Variants in CPQ observed in about 807,000 individuals in gnomAD.
CPQ encodes the protein Ser-Met dipeptidase.
Under a neutral mutation model 45.7 loss-of-function variants are expected in CPQ, and 37 were observed. That is an observed-to-expected ratio of 0.81 (90% CI 0.62 to 1.07). The LOEUF (loss-of-function observed/expected upper bound fraction) is 1.07. CPQ is among the 50% of genes least tolerant of loss of function. The probability of loss-of-function intolerance (pLI) is 0.00; values close to 1 mark genes in which losing one functional copy is unlikely to be tolerated. For synonymous variants in CPQ, 186 were observed against 205.8 expected (o/e 0.90, Z 0.82); for missense variants, 537 against 572.9 (o/e 0.94, Z 0.64).
intron 1 of CPQ, among the ~76,000 whole-genome samples, chr8:96,704,532 G>A (rs1809508435): frequency 6.6e-6 from 1 of 152,140 alleles, no homozygotes; most frequent in African/African-American, 2.4e-5. Context: ...GGAGCAAAGA[G>A]TATATATTCT....
At chr8:96,686,414 C>T (rs1001661834) in intron 1 of CPQ, among the ~76,000 whole-genome samples, 2 of 151,810 alleles carry the variant, frequency 1.3e-5, no homozygotes, top group African/African-American at 4.8e-5. Flanking sequence ...TCAAAAATAA[C>T]GTTGAATTTT....
intron 1 of CPQ, among the ~76,000 whole-genome samples, chr8:96,696,804 A>G (rs1240859561): frequency 1.3e-5 from 2 of 152,178 alleles, no homozygotes; most frequent in Non-Finnish European, 2.9e-5. Flanking sequence ...AACAACCACA[A>G]GATTGAACTA....
chr8:97,018,876 CAAAG>C (rs1223516850), intron 5 of CPQ, among the ~76,000 whole-genome samples: 2 of 152,170 alleles, frequency 1.3e-5, no homozygotes, highest in African/African-American at 4.8e-5. Flanking sequence ...ACAAGAAACT[CAAAG>C]AACACTGGGA....
chr8:96,799,891 C>G (rs1233693767), intron 2 of CPQ, among the ~76,000 whole-genome samples: 1 of 152,112 alleles, frequency 6.6e-6, no homozygotes, highest in Non-Finnish European at 1.5e-5. Flanking sequence ...GATCTTTTTG[C>G]CCATATCTTT....
intron 7 of CPQ, among the ~76,000 whole-genome samples, chr8:97,140,285 A>C (rs1812137118): frequency 6.6e-6 from 1 of 152,012 alleles, no homozygotes; most frequent in Non-Finnish European, 1.5e-5. Flanking sequence ...AAAACATCAG[A>C]CTTTGATGGC....
intron 1 of CPQ, among the ~76,000 whole-genome samples, chr8:96,662,307 C>A (rs990577047): frequency 5.9e-5 from 9 of 152,150 alleles, no homozygotes; most frequent in Middle Eastern, 3.4e-3. Context: ...CAATTTGGAA[C>A]TTTTAACATT....
intron 7 of CPQ, among the ~76,000 whole-genome samples, chr8:97,110,674 A>G (rs1053531629): frequency 3.9e-5 from 6 of 151,986 alleles, no homozygotes; most frequent in African/African-American, 1.5e-4. Context: ...CACTGCCTAT[A>G]TTCTTAGAGC....
In CPQ at chr8:96,961,461, A is replaced by G. The variant is rs555696856; in HGVS notation, c.850-4474A>G. 2.0e-5 allele frequency among the ~76,000 whole-genome samples: 3 copies of G among 152,216 alleles called. No homozygotes were observed. The East Asian group carries it at 5.8e-4, about 29-fold the overall frequency. The stretch of plus-strand genomic sequence containing the variant: ...TTGAATATAAATCATTTTGAGTTAT[A>G]TATATTGTAAATGTCTTCTTCTAAT... On this transcript the variant is annotated intron_variant, in intron 4 of 7. Coordinates refer to ENST00000220763, the MANE Select transcript of CPQ (RefSeq NM_016134.4).
intron 1 of CPQ, among the ~76,000 whole-genome samples, chr8:96,695,061 A>T (rs1586362239): frequency 6.6e-6 from 1 of 151,364 alleles, no homozygotes; most frequent in African/African-American, 2.4e-5. Context: ...TACAGTAACC[A>T]AAACAGCATG....
At chr8:96,926,591 T>TTCTTCC (rs1267812161) in intron 4 of CPQ, among the ~76,000 whole-genome samples, 68 of 143,852 alleles carry the variant, frequency 4.7e-4, no homozygotes, top group African/African-American at 1.9e-3. Flanking sequence ...CTTCTTCTTC[T>TTCTTCC]TCTTCTTCTT....
chr8:96,851,485 C>T (rs766195432), intron 3 of CPQ, among the ~76,000 whole-genome samples: 11 of 152,188 alleles, frequency 7.2e-5, no homozygotes, highest in Non-Finnish European at 1.3e-4. Flanking sequence ...GGGCTGTTCT[C>T]TGCTTCCAAG....
chr8:97,101,991 C>T (rs1811320868), intron 7 of CPQ, among the ~76,000 whole-genome samples: 1 of 140,778 alleles, frequency 7.1e-6, no homozygotes, highest in African/African-American at 2.7e-5. Flanking sequence ...GATAGCTCAC[C>T]TTATGTTAAG....
At chr8:96,823,517 C>T (rs1314199420) in intron 2 of CPQ, among the ~76,000 whole-genome samples, 1 of 151,940 alleles carries the variant, frequency 6.6e-6, no homozygotes, top group Non-Finnish European at 1.5e-5. Context: ...CTACACAAAT[C>T]CTATGATGGA....
intron 7 of CPQ, among the ~76,000 whole-genome samples, chr8:97,105,087 C>G (rs1811381545): frequency 6.6e-6 from 1 of 152,164 alleles, no homozygotes; most frequent in Non-Finnish European, 1.5e-5. Flanking sequence ...TTGAAAAGAC[C>G]ACCCCGGCAT....
chr8:97,122,698 A>G (rs1811728151), intron 7 of CPQ, among the ~76,000 whole-genome samples: 1 of 151,572 alleles, frequency 6.6e-6, no homozygotes, highest in Non-Finnish European at 1.5e-5. Context: ...CAGGCTGACC[A>G]ACAAGCTGAA....
chr8:96,684,190 T>C (rs1809192979), intron 1 of CPQ, among the ~76,000 whole-genome samples: 2 of 152,240 alleles, frequency 1.3e-5, no homozygotes, highest in South Asian at 2.1e-4. Flanking sequence ...TTGGCTTTCA[T>C]GGAGAAAGAC....
Position 96,879,986 on chromosome 8 carries a change from G to T in CPQ, c.830G>T (p.Gly277Val), listed in dbSNP as rs375182115. Residue 277 changes from glycine (G) to valine (V), a missense_variant, in exon 4 of 8, where the codon GGG becomes GTG. By Grantham distance (109) the Gly-to-Val change is moderately radical (BLOSUM62 -3). Coordinates refer to ENST00000220763, the MANE Select transcript of CPQ (RefSeq NM_016134.4). The stretch of plus-strand genomic sequence containing the variant: ...TTCAACACTGTAGCAGAGATCACTG[G>T]GAGCAAATATCCAGAACAGGTGAGT... ...DSFNTVAEIT[G>V]SKYPEQVVLV... 6.2e-6 allele frequency: 10 copies of T among 1,613,942 alleles called. No individual in the cohort carries two copies. Among genetic ancestry groups the T allele is most frequent in the Non-Finnish European group, 8.5e-6 (10 of 1,179,868 alleles).
At chr8:96,834,888 A>G (rs1469835952) in intron 2 of CPQ, 85 bp from the exon 3 acceptor site, 6 of 1,138,414 alleles carry the variant, frequency 5.3e-6, no homozygotes, top group Non-Finnish European at 7.6e-6. Context: ...TGTAGCAGAA[A>G]GAGCATGTAT....
At chr8:97,139,296 C>T (rs1812115741) in intron 7 of CPQ, among the ~76,000 whole-genome samples, 2 of 152,098 alleles carry the variant, frequency 1.3e-5, no homozygotes, top group Non-Finnish European at 2.9e-5. Context: ...CACAAAGGGA[C>T]ATTTTCACAC....
Sources: allele counts gnomAD v4.1 joint callset (sites outside exome capture counted in the v4.1 genomes callset), GRCh38; gene constraint gnomAD v4.1.1; transcripts MANE v1.5; gene names NCBI Gene and HGNC (gene_info 2026-07-23, HGNC 2026-07-21).